Variants in KIAA1549 observed in about 807,000 individuals in gnomAD.
KIAA1549 encodes UPF0606 protein KIAA1549.
KIAA1549 carries 70 observed loss-of-function variants against 156.4 expected under a neutral mutation model. The ratio of observed to expected loss-of-function variants is 0.45; its 90% CI spans 0.37 to 0.55. The LOEUF (loss-of-function observed/expected upper bound fraction) is 0.55. Ranked by LOEUF, KIAA1549 falls within the 20% of genes least tolerant of loss-of-function variation. The probability of loss-of-function intolerance (pLI) is 0.00; values close to 1 mark genes in which losing one functional copy is unlikely to be tolerated. For synonymous variants in KIAA1549, 1,103 were observed against 1,066.4 expected (o/e 1.03, Z -0.67); for missense variants, 2,428 against 2,540.9 (o/e 0.96, Z 0.96).
In KIAA1549 at chr7:138,832,658, C is replaced by A. The variant is rs1809571934; in HGVS notation, c.*5248G>T. On this transcript the variant is annotated 3_prime_UTR_variant, in exon 20 of 20. Transcript: ENST00000422774. ...CTGTCACTTTCTTACTGGCTCCTAA[C>A]TTTGTTTCATGTTTCCAAAGGCATT... is the stretch of plus-strand genomic sequence containing the variant. 1 of 215,392 alleles carries A rather than the reference C, an allele frequency of 4.6e-6. No homozygotes were observed. Among genetic ancestry groups the A allele is most frequent in the Non-Finnish European group, 9.4e-6 (1 of 106,948 alleles). The allele number at this position is 215,392 out of a possible 1,614,324, so 13.3% of individuals were successfully genotyped here.
intron 16 of KIAA1549, among the ~76,000 whole-genome samples, chr7:138,853,118 A>G (rs549400619): frequency 1.3e-5 from 2 of 152,340 alleles, no homozygotes; most frequent in South Asian, 4.1e-4. Flanking sequence ...TTGGAATTAG[A>G]TATTTCAGAA....
chr7:138,836,079 G>C lies in KIAA1549; in HGVS notation c.*1827C>G, dbSNP rs867840825. 1.9e-5 allele frequency: 4 copies of C among 212,792 alleles called. No individual in the cohort carries two copies. Among genetic ancestry groups the C allele is most frequent in the Middle Eastern group, 1.4e-3 (1 of 706 alleles). 13.2% of individuals were successfully genotyped at this position (212,792 alleles called of 1,614,324 possible). A position where few individuals can be genotyped will look rare whatever the true frequency, so the allele number is the denominator to read the frequency against. The stretch of plus-strand genomic sequence containing the variant: ...TGGAAACCTGTTTTAGCTGTTTCAG[G>C]GGTCTTAAAACTTGACACAGATACA... On this transcript the variant is annotated 3_prime_UTR_variant, in exon 20 of 20. Coordinates refer to ENST00000422774, the MANE Select transcript of KIAA1549 (RefSeq NM_001164665.2).
At chr7:138,942,259 T>G (rs535311400) in intron 1 of KIAA1549, among the ~76,000 whole-genome samples, 102 of 152,206 alleles carry the variant, frequency 6.7e-4, no homozygotes, top group African/African-American at 2.3e-3. Context: ...GTACAAAAAT[T>G]TTCATAATTG....
intron 10 of KIAA1549, among the ~76,000 whole-genome samples, chr7:138,890,334 AAC>A (rs1467711951): frequency 6.6e-6 from 1 of 152,260 alleles, no homozygotes; most frequent in Non-Finnish European, 1.5e-5. Flanking sequence ...TGACAATAGA[AAC>A]ACAGAGCAAA....
chr7:138,918,364 C>A lies in KIAA1549; in HGVS notation c.1262G>T (p.Cys421Phe). The A allele has an allele frequency of 6.2e-7, 1 of 1,613,966 alleles. No homozygotes were observed. Among genetic ancestry groups the A allele is most frequent in the Non-Finnish European group, 8.5e-7 (1 of 1,179,888 alleles). Reference protein sequence around the residue: ...PVSSFRPYTWCAACTVPSPQQ... With the variant: ...PVSSFRPYTWFAACTVPSPQQ... ...AGGTGAAGGCACAGTGCAGGCCGCACACCAAGTGTATGGTCTGAATGAGGA... is the reference window on the plus strand; with the variant it reads ...AGGTGAAGGCACAGTGCAGGCCGCAAACCAAGTGTATGGTCTGAATGAGGA... The change falls in exon 2 of 20, where the codon TGT (cysteine) becomes TTT (phenylalanine). Residue 421 changes from cysteine to phenylalanine, a missense_variant. By Grantham distance (205) the Cys-to-Phe change is radical. This residue lies in a region of KIAA1549 where 893 missense variants were observed against 847.9 expected (regional missense o/e 1.05). Transcript: ENST00000422774. The surrounding 1 kb of genome is among the most constrained non-coding windows in gnomAD (Gnocchi z 4.2).
At chr7:138,958,155 G>A (rs1273874456) in intron 1 of KIAA1549, among the ~76,000 whole-genome samples, 4 of 152,164 alleles carry the variant, frequency 2.6e-5, no homozygotes, top group Non-Finnish European at 5.9e-5. Flanking sequence ...TGTGTATGCT[G>A]AGCATAAGTG....
At chr7:138,978,626 C>A (rs1584798075) in intron 1 of KIAA1549, among the ~76,000 whole-genome samples, 1 of 152,158 alleles carries the variant, frequency 6.6e-6, no homozygotes, top group East Asian at 1.9e-4. Flanking sequence ...ACAAGAGAAG[C>A]CAGCTGAAGG....
rs1204256311 is a variant in KIAA1549, at chr7:138,835,944, T to C, written c.*1962A>G. On this transcript the variant is annotated 3_prime_UTR_variant, in exon 20 of 20. Transcript: ENST00000422774. ...GGTGCCCAGATGAAAACTGGCTACA[T>C]CTTACCTTCCCAGAACCAACTTCCC... 2 of 214,154 alleles carry C rather than the reference T, an allele frequency of 9.3e-6. No homozygotes were observed. The highest frequency in any genetic ancestry group is 1.9e-5 in the Non-Finnish European group (2 of 106,066). 13.3% of individuals were successfully genotyped at this position (214,154 alleles called of 1,614,324 possible). A position where few individuals can be genotyped will look rare whatever the true frequency, so the allele number is the denominator to read the frequency against.
At position 138,918,163 on chromosome 7, in the gene KIAA1549, C is replaced by A; in HGVS notation, c.1463G>T (p.Arg488Ile). 2.5e-6 allele frequency: 4 copies of A among 1,613,856 alleles called. No individual in the cohort carries two copies. In the South Asian group the frequency reaches 4.4e-5, roughly 18 times the overall value. ...TCTAGAAGAAAGTGGGACGATAGGT[C>A]TGGAGGGGAAAAGCGTATTAAATAC... ...PQVFNTLFPSRPIVPLSSRSM... is the reference protein window; with the variant it reads ...PQVFNTLFPSIPIVPLSSRSM... Residue 488 changes from arginine to isoleucine, a missense_variant, in exon 2 of 20, where the codon AGA becomes ATA. Arg to Ile is a moderately conservative substitution (Grantham distance 97). Coordinates refer to ENST00000422774, the MANE Select transcript of KIAA1549 (RefSeq NM_001164665.2). The surrounding 1 kb of genome is among the most constrained non-coding windows in gnomAD (Gnocchi z 4.2).
At chr7:138,937,708 C>G (rs1011504785) in intron 1 of KIAA1549, among the ~76,000 whole-genome samples, 25 of 152,200 alleles carry the variant, frequency 1.6e-4, no homozygotes, top group Non-Finnish European at 2.5e-4. Flanking sequence ...ATGGCTCATA[C>G]GAATGGTGCG....
At chr7:138,839,901 C>G (rs935134956) in intron 19 of KIAA1549, among the ~76,000 whole-genome samples, 24 of 142,956 alleles carry the variant, frequency 1.7e-4, no homozygotes, top group African/African-American at 6.1e-4. Flanking sequence ...GATTCTCTTG[C>G]CTCAGCCTCC....
rs75576327 is a variant in KIAA1549, at chr7:138,968,859, C to CA, written c.187+12223dup. 8.8e-3 allele frequency among the ~76,000 whole-genome samples: 580 copies of CA among 65,728 alleles called. 6 individuals carry two copies. Among genetic ancestry groups the CA allele is most frequent in the East Asian group, 0.017 (32 of 1,848 alleles). The allele number at this position is 65,728 out of a possible 152,430, so 43.1% of individuals were successfully genotyped here. ...TGGGCGACAGAGCCAGACTCCGTCT[C>CA]AAAAAAAAAAAAAAAAAAAAACACC... On this transcript the variant is annotated intron_variant, in intron 1 of 19. Transcript: ENST00000422774.
At chr7:138,861,900 T>C (rs1029016605) in intron 15 of KIAA1549, among the ~76,000 whole-genome samples, 1 of 151,820 alleles carries the variant, frequency 6.6e-6, no homozygotes, top group Non-Finnish European at 1.5e-5. Context: ...AGCTGAGGAA[T>C]GTGCGTTACA....
chr7:138,887,750 G>A (rs951707381), intron 10 of KIAA1549, among the ~76,000 whole-genome samples: 1 of 152,206 alleles, frequency 6.6e-6, no homozygotes, highest in Admixed American at 6.5e-5. Flanking sequence ...TAAATTTGTG[G>A]TATGGTTTGC....
intron 1 of KIAA1549, among the ~76,000 whole-genome samples, chr7:138,952,749 G>C (rs1813537999): frequency 6.6e-6 from 1 of 152,208 alleles, no homozygotes; most frequent in African/African-American, 2.4e-5. Flanking sequence ...GTGATATCTT[G>C]AGATTTTCAG....
chr7:138,844,513 C>A, intron 17 of KIAA1549, 39 bp from the exon 18 acceptor site: 11 of 1,482,376 alleles, frequency 7.4e-6, no homozygotes, highest in Non-Finnish European at 9.8e-6. Context: ...GACTCCACTG[C>A]ACCCTGGCCT....
intron 18 of KIAA1549, 86 bp from the exon 19 acceptor site, chr7:138,840,364 A>G: frequency 8.6e-7 from 1 of 1,165,132 alleles, no homozygotes. Flanking sequence ...GACACTGTCA[A>G]CTCTGACCAC....
Position 138,835,726 on chromosome 7 carries a change from T to C in KIAA1549, c.*2180A>G, listed in dbSNP as rs532451491. 7.5e-4 allele frequency: 163 copies of C among 218,394 alleles called. 5 individuals are homozygous for C. In the South Asian group the frequency reaches 0.029, roughly 39 times the overall value. The allele number at this position is 218,394 out of a possible 1,614,324, so 13.5% of individuals were successfully genotyped here. ...GTGACATACAAAGATAATCGTTCAA[T>C]TTGGGAGGAGTCGGGTATTAAACCA... On this transcript the variant is annotated 3_prime_UTR_variant, in exon 20 of 20. Coordinates refer to ENST00000422774, the MANE Select transcript of KIAA1549 (RefSeq NM_001164665.2).
At chr7:138,950,468 A>G (rs888602447) in intron 1 of KIAA1549, among the ~76,000 whole-genome samples, 1 of 152,168 alleles carries the variant, frequency 6.6e-6, no homozygotes, top group Non-Finnish European at 1.5e-5. Context: ...GTGCAGGGAG[A>G]TGAATTCCTG....
Sources: allele counts gnomAD v4.1 joint callset (sites outside exome capture counted in the v4.1 genomes callset), GRCh38; gene constraint gnomAD v4.1.1; regional missense constraint gnomAD v4.1.1; non-coding constraint Gnocchi (gnomAD v3.1); transcripts MANE v1.5; gene names NCBI Gene and HGNC (gene_info 2026-07-23, HGNC 2026-07-21).